EPB41L2: variants seen among roughly 807,000 people sequenced by gnomAD.
EPB41L2 encodes band 4.1-like protein 2.
EPB41L2 carries 43 observed loss-of-function variants against 113.0 expected under a neutral mutation model. The observed-to-expected ratio is 0.38, with a 90% CI of 0.30 to 0.49. The LOEUF (loss-of-function observed/expected upper bound fraction) is 0.49, where lower values mean the gene tolerates loss of function less well. EPB41L2 is among the 20% of genes least tolerant of loss of function. The pLI, the probability that EPB41L2 is intolerant of heterozygous loss-of-function variation, is 0.95. For missense variants in EPB41L2, 1,147 were observed against 1,223.4 expected (o/e 0.94, Z 0.93); for synonymous variants, 442 against 436.7 (o/e 1.01, Z -0.15).
At chr6:131,060,214 T>C (rs1798391667) in intron 1 of EPB41L2, among the ~76,000 whole-genome samples, 1 of 152,216 alleles carries the variant, frequency 6.6e-6, no homozygotes, top group Admixed American at 6.5e-5. Context: ...AACAAAACCT[T>C]CAAAAATATT....
At chr6:130,886,616 C>T (rs959056984) in intron 11 of EPB41L2, among the ~76,000 whole-genome samples, 8 of 142,708 alleles carry the variant, frequency 5.6e-5, no homozygotes, top group African/African-American at 1.4e-4. Context: ...TATTTTCCAG[C>T]GGTTTTTGTT....
chr6:130,934,758 G>A (rs1199159594), intron 3 of EPB41L2, among the ~76,000 whole-genome samples: 2 of 151,492 alleles, frequency 1.3e-5, no homozygotes, highest in Non-Finnish European at 2.9e-5. Flanking sequence ...TGGCATTACA[G>A]GTGTGAGCCA....
rs1276886087 is a variant in EPB41L2, at chr6:130,858,237, C to A, written c.2917G>T (p.Ala973Ser). 6.2e-7 allele frequency: 1 copy of A among 1,610,522 alleles called. No homozygotes were observed. Among genetic ancestry groups the A allele is most frequent in the Non-Finnish European group, 8.5e-7 (1 of 1,178,260 alleles). The change falls in exon 19 of 20, where the codon GCT becomes TCT. Residue 973 changes from alanine to serine, a missense_variant. Coordinates refer to ENST00000337057, the MANE Select transcript of EPB41L2 (RefSeq NM_001431.4). ...TCTCTGGCTTCCCTGATCGCCTGAG[C>A]CAGTGCCTGCCAGGGTCAGGACAGA... ...DGDIDHDQALAQAIREAREQH... is the reference protein window; with the variant it reads ...DGDIDHDQALSQAIREAREQH...
chr6:131,000,131 A>G (rs998021500), intron 1 of EPB41L2, among the ~76,000 whole-genome samples: 1 of 147,766 alleles, frequency 6.8e-6, no homozygotes, highest in Non-Finnish European at 1.5e-5. Context: ...TAAATACCGT[A>G]TAAAGATGTG....
chr6:130,898,712 AATGT>A (rs1439771764), intron 8 of EPB41L2, among the ~76,000 whole-genome samples: 1 of 152,162 alleles, frequency 6.6e-6, no homozygotes, highest in Non-Finnish European at 1.5e-5. Context: ...TTGCAAAAAA[AATGT>A]ATGTTACTAC....
intron 1 of EPB41L2, among the ~76,000 whole-genome samples, chr6:131,054,978 T>C (rs1797333609): frequency 6.6e-6 from 1 of 152,240 alleles, no homozygotes; most frequent in Non-Finnish European, 1.5e-5. Context: ...GCCTTCAGCA[T>C]TCCTTCTGGG....
At chr6:130,962,223 C>T (rs982683947) in intron 1 of EPB41L2, among the ~76,000 whole-genome samples, 1 of 151,536 alleles carries the variant, frequency 6.6e-6, no homozygotes, top group African/African-American at 2.4e-5. Flanking sequence ...GGTGATGCTT[C>T]TCAAATATAT....
Position 130,933,190 on chromosome 6 carries a change from T to C in EPB41L2, c.706-6481A>G, listed in dbSNP as rs1280785737. The stretch of plus-strand genomic sequence containing the variant: ...TCCTCCACTAAGACATCACTTTCGC[T>C]GTCATTTCTTCTTGCTATCTGAAGC... On this transcript the variant is annotated intron_variant, in intron 3 of 19. Transcript: ENST00000337057. Among the ~76,000 whole-genome samples the C allele has an allele frequency of 2.0e-5, 3 of 152,340 alleles. No homozygotes were observed. In the East Asian group the frequency reaches 5.8e-4, roughly 29 times the overall value.
intron 3 of EPB41L2, among the ~76,000 whole-genome samples, chr6:130,952,029 T>C (rs1815301384): frequency 1.3e-5 from 2 of 152,184 alleles, no homozygotes; most frequent in Non-Finnish European, 2.9e-5. Flanking sequence ...TGCAGATTTT[T>C]TGGCTACTGC....
intron 1 of EPB41L2, chr6:131,062,449 G>C (rs1414983150): frequency 1.3e-5 from 2 of 151,946 alleles, no homozygotes; most frequent in African/African-American, 2.4e-5. Flanking sequence ...TGGTGAGATG[G>C]CCTGGGTGTG....
intron 1 of EPB41L2, among the ~76,000 whole-genome samples, chr6:130,980,306 T>C (rs540846132): frequency 3.1e-4 from 47 of 152,110 alleles, no homozygotes; most frequent in African/African-American, 9.6e-4. Flanking sequence ...GGGAGATGTA[T>C]GTTTAGGCTG....
chr6:130,866,493 T>C (rs1441505432), intron 16 of EPB41L2, among the ~76,000 whole-genome samples: 1 of 152,230 alleles, frequency 6.6e-6, no homozygotes, highest in Non-Finnish European at 1.5e-5. Flanking sequence ...TGGCAACTTA[T>C]CACAGCACAG....
intron 3 of EPB41L2, among the ~76,000 whole-genome samples, chr6:130,936,833 G>A (rs1456966718): frequency 5.3e-5 from 8 of 152,180 alleles, no homozygotes; most frequent in Non-Finnish European, 4.4e-5. Flanking sequence ...ACCCAAACAT[G>A]CACTTAGTAA....
intron 4 of EPB41L2, among the ~76,000 whole-genome samples, chr6:130,922,700 C>T (rs578000600): frequency 3.2e-4 from 49 of 152,222 alleles, no homozygotes; most frequent in African/African-American, 1.2e-3. Context: ...AGTGAGAATA[C>T]CAGAATGATC....
At chr6:130,936,303 A>G (rs541166545) in intron 3 of EPB41L2, among the ~76,000 whole-genome samples, 5 of 152,374 alleles carry the variant, frequency 3.3e-5, no homozygotes, top group African/African-American at 1.2e-4. Context: ...TCAGTGGGAA[A>G]TAAGTTCACC....
At chr6:130,870,738 C>T (rs1162294628) in intron 14 of EPB41L2, among the ~76,000 whole-genome samples, 1 of 151,584 alleles carries the variant, frequency 6.6e-6, no homozygotes, top group Non-Finnish European at 1.5e-5. Context: ...TTTAATCAGA[C>T]TATAAAGTCT....
chr6:130,899,601 T>C, intron 7 of EPB41L2, 23 bp from the exon 8 acceptor site: 1 of 1,596,450 alleles, frequency 6.3e-7, no homozygotes, highest in Non-Finnish European at 8.6e-7. Context: ...AGAAACAGTA[T>C]TATCTTATTA....
At chr6:130,952,694 C>T (rs1815627833) in intron 3 of EPB41L2, among the ~76,000 whole-genome samples, 1 of 152,040 alleles carries the variant, frequency 6.6e-6, no homozygotes, top group Non-Finnish European at 1.5e-5. Flanking sequence ...CCTGTAATCC[C>T]AGCTACACAG....
rs568739621 is a variant in EPB41L2, at chr6:130,846,846, G to A, written c.*6-6248C>T. Among the ~76,000 whole-genome samples the A allele has an allele frequency of 5.3e-5, 8 of 152,186 alleles. No homozygotes were observed. The South Asian group carries it at 1.5e-3, about 28-fold the overall frequency. The stretch of plus-strand genomic sequence containing the variant: ...TCTGACTGAAAAGCAAAAAAATATC[G>A]GATTTAACTTTTATAGATGTTCCTA... On this transcript the variant is annotated intron_variant, in intron 19 of 19. Coordinates refer to ENST00000337057, the MANE Select transcript of EPB41L2 (RefSeq NM_001431.4).
Sources: allele counts gnomAD v4.1 joint callset (sites outside exome capture counted in the v4.1 genomes callset), GRCh38; gene constraint gnomAD v4.1.1; transcripts MANE v1.5; gene names NCBI Gene and HGNC (gene_info 2026-07-23, HGNC 2026-07-21).